Variants in RGS7 observed in about 807,000 individuals in gnomAD.
RGS7 encodes the protein regulator of G-protein signaling 7.
A neutral mutation model predicts 81.1 loss-of-function variants in RGS7; 27 were observed. The observed-to-expected ratio is 0.33, with a 90% CI of 0.25 to 0.46. The LOEUF is 0.46. Among genes scored for constraint, RGS7 ranks in the 20% least tolerant of loss-of-function variants. The probability of loss-of-function intolerance (pLI) is 1.00; values close to 1 mark genes in which losing one functional copy is unlikely to be tolerated. For synonymous variants in RGS7, 208 were observed against 207.7 expected (o/e 1.00, Z -0.01); for missense variants, 396 against 607.4 (o/e 0.65, Z 3.66).
At chr1:240,974,114 ATAAT>A (rs1189675743) in intron 4 of RGS7, among the ~76,000 whole-genome samples, 1 of 152,324 alleles carries the variant, frequency 6.6e-6, no homozygotes, top group African/African-American at 2.4e-5. Flanking sequence ...TCATTCGGTG[ATAAT>A]TAAGTTACTT....
At chr1:241,012,545 A>G (rs2059011726) in intron 3 of RGS7, among the ~76,000 whole-genome samples, 1 of 152,188 alleles carries the variant, frequency 6.6e-6, no homozygotes, top group Admixed American at 6.5e-5. Flanking sequence ...ACCCTTCATC[A>G]GTCAATAAAA....
intron 2 of RGS7, among the ~76,000 whole-genome samples, chr1:241,198,803 A>C (rs1389482528): frequency 6.6e-6 from 1 of 152,180 alleles, no homozygotes; most frequent in Non-Finnish European, 1.5e-5. Context: ...CAGGAAACAG[A>C]AAAAACGTGG....
In RGS7 at chr1:241,311,061, T is replaced by C. The variant is rs147653992; in HGVS notation, c.78+44638A>G. On this transcript the variant is annotated intron_variant, in intron 2 of 18. Coordinates refer to ENST00000440928, the MANE Select transcript of RGS7 (RefSeq NM_001364886.1). ...TTGTCATCTTTTGATTCCTCGCTTA[T>C]AAAATATCTTCCTCAAAGCAGTTAT... Among the ~76,000 whole-genome samples, 52 of 152,346 alleles carry C rather than the reference T, an allele frequency of 3.4e-4. No homozygotes were observed. The East Asian group carries it at 9.8e-3, about 29-fold the overall frequency.
At chr1:241,072,250 A>C (rs1433527413) in intron 3 of RGS7, among the ~76,000 whole-genome samples, 1 of 152,226 alleles carries the variant, frequency 6.6e-6, no homozygotes, top group Non-Finnish European at 1.5e-5. Flanking sequence ...GCCCTGGCCA[A>C]AGTGGCCTGT....
intron 18 of RGS7, among the ~76,000 whole-genome samples, chr1:240,799,429 T>A (rs917538616): frequency 2.0e-5 from 3 of 150,984 alleles, no homozygotes; most frequent in Non-Finnish European, 2.9e-5. Context: ...TTCAGTTAAA[T>A]GTAACTTCTG....
chr1:240,869,961 T>G, intron 7 of RGS7, 94 bp downstream of exon 7: 1 of 1,036,636 alleles, frequency 9.6e-7, no homozygotes, highest in Non-Finnish European at 1.5e-6. Context: ...AAAAGATCCA[T>G]GAATGAAGAG....
At chr1:240,955,465 T>C (rs1479316919) in intron 4 of RGS7, among the ~76,000 whole-genome samples, 1 of 149,534 alleles carries the variant, frequency 6.7e-6, no homozygotes, top group Admixed American at 6.7e-5. Context: ...GGCAGGAGAA[T>C]GGCATGAACC....
chr1:240,852,346 AC>A (rs1660261342), intron 9 of RGS7, among the ~76,000 whole-genome samples: 1 of 152,244 alleles, frequency 6.6e-6, no homozygotes, highest in Admixed American at 6.5e-5. Context: ...TGTTTTTTAG[AC>A]ATAATGCTAT....
At chr1:241,329,000 A>C (rs1298601931) in intron 2 of RGS7, among the ~76,000 whole-genome samples, 1 of 152,208 alleles carries the variant, frequency 6.6e-6, no homozygotes, top group Non-Finnish European at 1.5e-5. Flanking sequence ...CACCGTCACA[A>C]ATAATGTTTT....
At chr1:241,340,052 T>C (rs774287691) in intron 2 of RGS7, among the ~76,000 whole-genome samples, 11 of 152,224 alleles carry the variant, frequency 7.2e-5, no homozygotes, top group Non-Finnish European at 1.0e-4. Flanking sequence ...AGGATGTAGA[T>C]AATTCTAGTT....
At chr1:241,196,130 G>T (rs956118038) in intron 2 of RGS7, among the ~76,000 whole-genome samples, 1 of 151,906 alleles carries the variant, frequency 6.6e-6, no homozygotes, top group Non-Finnish European at 1.5e-5. Flanking sequence ...TTCAAAGGGG[G>T]GACAATAAGA....
Position 241,008,948 on chromosome 1 carries a change from A to T in RGS7, c.176-25819T>A, listed in dbSNP as rs892477318. ...AAAAAAAAAAAAAAGAAATGTGATT[A>T]TGACATTCAGTCATAAGACAGACAG... On this transcript the variant is annotated intron_variant, in intron 3 of 18. Transcript: ENST00000440928. Among the ~76,000 whole-genome samples the T allele has an allele frequency of 5.4e-5, 8 of 149,006 alleles. 1 individual carries two copies. Among genetic ancestry groups the T allele is most frequent in the Non-Finnish European group, 1.2e-4 (8 of 67,400 alleles).
intron 4 of RGS7, 78 bp downstream of exon 4, chr1:240,983,001 T>C: frequency 1.2e-6 from 1 of 816,248 alleles, no homozygotes; most frequent in Non-Finnish European, 2.1e-6. Context: ...GCGTGCCATA[T>C]TAAAATATCC....
intron 6 of RGS7, among the ~76,000 whole-genome samples, chr1:240,877,496 C>G (rs1322233691): frequency 1.3e-5 from 2 of 152,046 alleles, no homozygotes; most frequent in Non-Finnish European, 2.9e-5. Flanking sequence ...GTGCTCAAAA[C>G]TGTACCACAC....
intron 4 of RGS7, among the ~76,000 whole-genome samples, chr1:240,961,653 A>G (rs1381191123): frequency 1.3e-5 from 2 of 152,054 alleles, no homozygotes; most frequent in East Asian, 1.9e-4. Context: ...GGCAATGCGC[A>G]ATGGGGAATG....
At chr1:241,145,355 G>C (rs2068238037) in intron 2 of RGS7, among the ~76,000 whole-genome samples, 1 of 152,132 alleles carries the variant, frequency 6.6e-6, no homozygotes. Flanking sequence ...ATATCAATTA[G>C]AGATCCATAA....
chr1:240,978,075 T>G (rs1684410611), intron 4 of RGS7, among the ~76,000 whole-genome samples: 1 of 152,178 alleles, frequency 6.6e-6, no homozygotes. Flanking sequence ...AAAGCTAACT[T>G]ATTAATGCAA....
chr1:241,026,413 AC>A (rs2059785811), intron 3 of RGS7, among the ~76,000 whole-genome samples: 1 of 152,062 alleles, frequency 6.6e-6, no homozygotes, highest in African/African-American at 2.4e-5. Context: ...ACATGGTGAA[AC>A]CCTGTCTCTA....
At chr1:240,936,035 G>T (rs1025063825) in intron 5 of RGS7, among the ~76,000 whole-genome samples, 9 of 152,188 alleles carry the variant, frequency 5.9e-5, no homozygotes, top group African/African-American at 2.2e-4. Context: ...ATCATTGCCA[G>T]AAAGAATAAT....
Sources: gnomAD v4.1 joint callset for allele counts (sites outside exome capture counted in the v4.1 genomes callset) on GRCh38, gnomAD v4.1.1 for gene constraint, MANE v1.5 for transcripts, NCBI Gene and HGNC (gene_info 2026-07-23, HGNC 2026-07-21) for gene names.